The following SCART1 variants were observed in gnomAD, a reference collection of about 807,000 sequenced individuals.
SCART1 encodes the protein scavenger receptor cysteine-rich domain-containing protein SCART1.
In SCART1, 62 loss-of-function variants were observed where a neutral mutation model predicts 36.2. That is an observed-to-expected ratio of 1.71 (90% CI 1.40 to 2.12). The LOEUF (loss-of-function observed/expected upper bound fraction) is 2.12, where lower values mean the gene tolerates loss of function less well. Ranked by LOEUF, SCART1 falls within the 30% of genes most tolerant of loss-of-function variation. The pLI is 0.00. For synonymous variants in SCART1, 487 were observed against 238.7 expected (o/e 2.04, Z -9.59); for missense variants, 1,041 against 540.5 (o/e 1.93, Z -9.18).
chr10:133,456,609 C>CGAGGAG lies in SCART1; in HGVS notation c.385+61_385+66dup, dbSNP rs911901390. 1.7e-5 allele frequency: 10 copies of CGAGGAG among 603,390 alleles called. No individual in the cohort carries two copies. In the African/African-American group the frequency reaches 1.9e-4, roughly 11 times the overall value. The allele number at this position is 603,390 out of a possible 1,614,324, so 37.4% of individuals were successfully genotyped here. A position where few individuals can be genotyped will look rare whatever the true frequency, so the allele number is the denominator to read the frequency against. ...CTGAGGAGGAGGAGGAGTGGGAGGACGAGGAGGAGGACTGGGAGGACGCAG... is the reference window on the plus strand; with the variant it reads ...CTGAGGAGGAGGAGGAGTGGGAGGACGAGGAGGAGGAGGAGGACTGGGAGGACGCAG... On this transcript the variant is annotated intron_variant, in intron 2 of 11. Transcript: ENST00000640237.
chr10:133,464,509 T>C, intron 6 of SCART1, 97 bp from the exon 7 acceptor site: 1 of 603,928 alleles, frequency 1.7e-6, no homozygotes, highest in South Asian at 2.0e-5. Context: ...ATAACTGATC[T>C]CAGTGCTGGG....
chr10:133,469,241 T>C (rs560366831), downstream of SCART1: 2 of 152,314 alleles, frequency 1.3e-5, no homozygotes, highest in African/African-American at 2.4e-5. Context: ...GCTTTTACCT[T>C]GTAAATTTGT....
At chr10:133,460,065 G>A (rs1850678496) in exon 6 of SCART1, 1 of 511,452 alleles carries the variant, frequency 2.0e-6, no homozygotes, top group Non-Finnish European at 3.4e-6. Flanking sequence ...CTGGCTGGAC[G>A]AGCTGGGCTG....
At chr10:133,464,295 CTGCAGTGAACCTGGGCG>C (rs147032104) in intron 6 of SCART1, 217,965 of 319,048 alleles carry the variant, frequency 0.68, 78,890 homozygotes, top group Non-Finnish European at 0.76. Context: ...AACCTGGGTG[CTGCAGTGAACCTGGGCG>C]TGCAGTGAAC....
intron 9 of SCART1, 117 bp from the exon 10 acceptor site, chr10:133,466,118 C>T (rs979328289): frequency 3.3e-5 from 21 of 631,172 alleles, no homozygotes; most frequent in Non-Finnish European, 5.7e-5. Flanking sequence ...GCACTTCCGA[C>T]TCGCAGGTCC....
At chr10:133,458,587 C>T (rs1850651567) in exon 4 of SCART1, 1 of 690,106 alleles carries the variant, frequency 1.4e-6, no homozygotes, top group South Asian at 1.5e-5. Flanking sequence ...CGAGTCGCTG[C>T]TGTTCCACTG....
intron 6 of SCART1, among the ~76,000 whole-genome samples, chr10:133,462,785 C>A (rs1564835138): frequency 6.6e-6 from 1 of 152,310 alleles, no homozygotes; most frequent in East Asian, 1.9e-4. Context: ...AAAATGATAG[C>A]AGTGTCAGCC....
At chr10:133,457,448 G>A (rs1850633047) in exon 3 of SCART1, 1 of 702,576 alleles carries the variant, frequency 1.4e-6, no homozygotes, top group Middle Eastern at 2.4e-4. Context: ...CCCCCCGCCG[G>A]GACGTGGGCG....
rs999869754 is a variant in SCART1 at position 133,458,422 on chromosome 10, T to C, written c.745T>C (p.Trp249Arg). 1.1e-5 allele frequency: 8 copies of C among 701,008 alleles called. No homozygotes were observed. The African/African-American group carries it at 1.2e-4, about 11-fold the overall frequency. The allele number at this position is 701,008 out of a possible 1,614,324, so 43.4% of individuals were successfully genotyped here. ...CTGCGCCGGGCGCCTGGAGGTGACCTGGGGCACCGTCTGTGATGCGGCCCT... is the reference window on the plus strand; with the variant it reads ...CTGCGCCGGGCGCCTGGAGGTGACCCGGGGCACCGTCTGTGATGCGGCCCT... Residue 249 changes from tryptophan (W) to arginine (R), a missense_variant, in exon 4 of 12, where the codon TGG (tryptophan) becomes CGG (arginine). Coordinates refer to ENST00000640237, the Ensembl canonical transcript of SCART1.
exon 9 of SCART1, chr10:133,465,406 G>C (rs980352430): frequency 3.3e-6 from 2 of 600,498 alleles, no homozygotes; most frequent in Non-Finnish European, 5.9e-6. Flanking sequence ...TCGGGCCGTC[G>C]CCGCCCTGGG....
intron 3 of SCART1, chr10:133,457,800 G>T: frequency 1.1e-5 from 6 of 556,636 alleles, no homozygotes; most frequent in South Asian, 9.8e-5. Flanking sequence ...CTCAGAACCC[G>T]CAGGCCATCT....
chr10:133,460,955 C>G (rs1850694736), intron 6 of SCART1, among the ~76,000 whole-genome samples: 1 of 152,018 alleles, frequency 6.6e-6, no homozygotes. Context: ...AGGCCGGTCT[C>G]AAACTCCTGG....
At chr10:133,459,570 C>T (rs746937516) in exon 6 of SCART1, 32 of 679,358 alleles carry the variant, frequency 4.7e-5, no homozygotes, top group Non-Finnish European at 8.0e-5. Flanking sequence ...CGTGTGGGGC[C>T]GCGTCCTGGA....
chr10:133,465,298 C>T (rs528863675), exon 9 of SCART1: 17 of 681,374 alleles, frequency 2.5e-5, no homozygotes, highest in African/African-American at 2.5e-4. Flanking sequence ...CTGCTCCGGG[C>T]GCGTGGAGCT....
chr10:133,469,661 G>A (rs1322506163), downstream of SCART1, among the ~76,000 whole-genome samples: 1 of 152,114 alleles, frequency 6.6e-6, no homozygotes, highest in Non-Finnish European at 1.5e-5. Context: ...GTTGATGGGT[G>A]CAGCAAACCA....
intron 10 of SCART1, among the ~76,000 whole-genome samples, chr10:133,466,791 G>A (rs575284177): frequency 2.6e-4 from 39 of 152,334 alleles, no homozygotes; most frequent in African/African-American, 8.7e-4. Flanking sequence ...AGGCCTTCCC[G>A]GAACTGGAGT....
chr10:133,469,630 A>G (rs1278616439), downstream of SCART1, among the ~76,000 whole-genome samples: 1 of 152,150 alleles, frequency 6.6e-6, no homozygotes, highest in East Asian at 1.9e-4. Flanking sequence ...CATGAGGAGA[A>G]ACACCTAAGG....
chr10:133,467,927 T>C, exon 12 of SCART1: 1 of 699,222 alleles, frequency 1.4e-6, no homozygotes, highest in Non-Finnish European at 2.6e-6. Flanking sequence ...TTCTCAGGGA[T>C]ATGACGAGGC....
At chr10:133,467,782 C>A in intron 11 of SCART1, 65 bp from the exon 12 acceptor site, 1 of 595,470 alleles carries the variant, frequency 1.7e-6, no homozygotes. Context: ...ACGGGCTTTG[C>A]CAAATGTGCT....
Sources: allele counts gnomAD v4.1 joint callset (sites outside exome capture counted in the v4.1 genomes callset), GRCh38; gene constraint gnomAD v4.1.1; transcripts MANE v1.5; gene names NCBI Gene and HGNC (gene_info 2026-07-23, HGNC 2026-07-21).